The following APOB variants were observed in gnomAD, a reference collection of about 807,000 sequenced individuals.
The protein encoded by APOB is apolipoprotein B.
APOB carries 153 observed loss-of-function variants against 314.1 expected under a neutral mutation model. The observed-to-expected ratio is 0.49, with a 90% confidence interval of 0.43 to 0.56. APOB has a LOEUF of 0.56. APOB is among the 20% of genes least tolerant of loss of function. The pLI, the probability that APOB is intolerant of heterozygous loss-of-function variation, is 0.00. For missense variants in APOB, 5,430 were observed against 5,350.7 expected (o/e 1.01, Z -0.46); for synonymous variants, 2,087 against 2,036.4 (o/e 1.02, Z -0.67).
chr2:21,027,249 A>G (rs1663753000), intron 14 of APOB, among the ~76,000 whole-genome samples: 1 of 151,748 alleles, frequency 6.6e-6, no homozygotes, highest in African/African-American at 2.4e-5. Context: ...AGATCTGACT[A>G]GGCAGCACAT....
Position 21,015,564 on chromosome 2 carries a change from G to A in APOB, c.3333-19C>T. 4 of 1,609,096 alleles carry A rather than the reference G, an allele frequency of 2.5e-6. No individual in the cohort carries two copies. Among genetic ancestry groups the A allele is most frequent in the Non-Finnish European group, 3.4e-6 (4 of 1,179,554 alleles). ...GTCACAACTATGGTAAAGAAAATCA[G>A]TTGGCACCAATGATTTTGTCCTTTC... On this transcript the variant is annotated intron_variant, in intron 21 of 28. Coordinates refer to ENST00000233242, the MANE Select transcript of APOB (RefSeq NM_000384.3).
chr2:21,043,846 G>C lies in APOB; in HGVS notation c.82+18C>G. 1.3e-6 allele frequency: 2 copies of C among 1,529,066 alleles called. No homozygotes were observed. Among genetic ancestry groups the C allele is most frequent in the East Asian group, 4.9e-5 (2 of 40,554 alleles). 94.7% of individuals were successfully genotyped at this position (1,529,066 alleles called of 1,614,324 possible). A position where few individuals can be genotyped will look rare whatever the true frequency, so the allele number is the denominator to read the frequency against. On this transcript the variant is annotated intron_variant, in intron 1 of 28. Coordinates refer to ENST00000233242, the MANE Select transcript of APOB (RefSeq NM_000384.3). ...CCCTCCCGCTCCCTCTGCGCCCGCA[G>C]AGCGGCCGCGCACTCACCGGCCCTG...
chr2:21,012,328 G>T lies in APOB; in HGVS notation c.4540C>A (p.Leu1514Ile). Reference protein sequence around the residue: ...SCQRDPNTGRLNGESNLRFNS... With the variant: ...SCQRDPNTGRINGESNLRFNS... ...AACCTCAGGTTGGACTCTCCATTGA[G>T]CCGGCCAGTGTTAGGATCCCTCTGA... The change falls in exon 26 of 29, where the codon CTC becomes ATC. Residue 1514 changes from leucine to isoleucine, a missense_variant. Physicochemically the swap from Leu to Ile is conservative, Grantham distance 5. This residue lies in a region of APOB where 2,085 missense variants were observed against 2,079.7 expected (regional missense o/e 1.00). Transcript: ENST00000233242. 6.2e-7 allele frequency: 1 copy of T among 1,614,142 alleles called. No homozygotes were observed. Among genetic ancestry groups the T allele is most frequent in the Middle Eastern group, 1.7e-4 (1 of 6,060 alleles).
At position 21,029,746 on chromosome 2, in the gene APOB, G is replaced by C. The variant is rs1395348867; in HGVS notation, c.1510C>G (p.Pro504Ala). ...TTCAGGATTGAAGACTTGAGTTCTG[G>C]AGTTAACTGCTCCATGGTTTGGCCC... Reference protein sequence around the residue: ...NMGQTMEQLTPELKSSILKCV... With the variant: ...NMGQTMEQLTAELKSSILKCV... The change falls in exon 12 of 29, where the codon CCA (proline) becomes GCA (alanine). Residue 504 changes from proline (P) to alanine (A), a missense_variant. Coordinates refer to ENST00000233242, the MANE Select transcript of APOB (RefSeq NM_000384.3). The C allele has an allele frequency of 6.2e-7, 1 of 1,614,164 alleles. No homozygotes were observed. Among genetic ancestry groups the C allele is most frequent in the Admixed American group, 1.7e-5 (1 of 60,022 alleles).
At chr2:21,031,746 A>T (rs1663884834) in intron 10 of APOB, among the ~76,000 whole-genome samples, 1 of 152,164 alleles carries the variant, frequency 6.6e-6, no homozygotes, top group Admixed American at 6.5e-5. Context: ...GCTACTCAGG[A>T]GGCTGAGGTG....
intron 15 of APOB, among the ~76,000 whole-genome samples, chr2:21,025,626 GA>G (rs1663710756): frequency 6.6e-6 from 1 of 152,172 alleles, no homozygotes; most frequent in Non-Finnish European, 1.5e-5. Flanking sequence ...AAAAAAATGT[GA>G]AACTGACAGA....
chr2:21,007,365 G>T lies in APOB; in HGVS notation c.9503C>A (p.Ser3168Ter). 1 of 1,613,968 alleles carries T rather than the reference G, an allele frequency of 6.2e-7. No homozygotes were observed. The highest frequency in any genetic ancestry group is 8.5e-7 in the Non-Finnish European group (1 of 1,179,942). The part of the protein sequence containing the change: ...LKEFLKTTKQ[S>*]FDLSVKAQYK... ...CTGAGCTTTTACACTTAAATCAAAT[G>T]ATTGCTTTGTCGTTTTCAAGAATTC... Residue 3168 changes from serine to a stop codon, truncating the protein, a stop_gained, in exon 26 of 29, where the codon TCA (serine) becomes TAA (stop). Transcript: ENST00000233242. LOFTEE classifies it high-confidence loss of function.
At chr2:21,025,199 T>C in intron 15 of APOB, 75 bp from the exon 16 acceptor site, 1 of 1,466,384 alleles carries the variant, frequency 6.8e-7, no homozygotes, top group African/African-American at 1.4e-5. Context: ...ATGTGGGACC[T>C]GTCTGATGCA....
intron 3 of APOB, 52 bp from the exon 4 acceptor site, chr2:21,041,135 T>C (rs756797684): frequency 6.3e-7 from 1 of 1,587,864 alleles, no homozygotes; most frequent in East Asian, 2.2e-5. Context: ...GAATGAGAGG[T>C]GGCCCCTGAA....
intron 10 of APOB, 36 bp from the exon 11 acceptor site, chr2:21,030,051 C>T (rs550619005): frequency 7.3e-7 from 1 of 1,367,062 alleles, no homozygotes; most frequent in South Asian, 1.2e-5. Context: ...GACTTGGTAA[C>T]CCCAGTTAGG....
intron 15 of APOB, among the ~76,000 whole-genome samples, chr2:21,025,690 G>A (rs1663714367): frequency 6.6e-6 from 1 of 152,204 alleles, no homozygotes. Context: ...GAAATTAGAA[G>A]ATGGAGCTCG....
intron 17 of APOB, 49 bp downstream of exon 17, chr2:21,023,469 ATGCACCC>A: frequency 6.3e-7 from 1 of 1,588,250 alleles, no homozygotes; most frequent in Non-Finnish European, 8.6e-7. Context: ...TTAACAAGAA[ATGCACCC>A]TGGAAGAAAG....
intron 5 of APOB, 22 bp downstream of exon 5, chr2:21,037,936 T>A: frequency 6.2e-7 from 1 of 1,614,186 alleles, no homozygotes; most frequent in Non-Finnish European, 8.5e-7. Flanking sequence ...GGGCCACTGC[T>A]ATCAGCTTTC....
chr2:21,003,966 C>A (rs549461593), intron 28 of APOB, among the ~76,000 whole-genome samples: 12 of 152,188 alleles, frequency 7.9e-5, no homozygotes, highest in Admixed American at 5.2e-4. Flanking sequence ...GAAAAATATA[C>A]CCTGCCTATG....
rs746697471 is a variant in APOB at position 21,003,108 on chromosome 2, C to T, written c.12314G>A (p.Arg4105Lys). ...LTLREVSSKL[R>K]RNLQNNAEWV... Reference sequence around the variant, plus strand: ...CTCAGCATTGTTCTGCAGATTTCTTCTCAGCTTTGAAGACACTTCTCTCAG... The same window carrying T: ...CTCAGCATTGTTCTGCAGATTTCTTTTCAGCTTTGAAGACACTTCTCTCAG... Residue 4105 changes from arginine to lysine, a missense_variant, in exon 29 of 29, where the codon AGA becomes AAA. By Grantham distance (26) the Arg-to-Lys change is conservative. Transcript: ENST00000233242. The T allele has an allele frequency of 6.3e-7, 1 of 1,598,908 alleles. No individual in the cohort carries two copies. Among genetic ancestry groups the T allele is most frequent in the Non-Finnish European group, 8.5e-7 (1 of 1,171,316 alleles).
In APOB at chr2:21,008,113, T is replaced by G; in HGVS notation, c.8755A>C (p.Ile2919Leu). 6.2e-7 allele frequency: 1 copy of G among 1,614,084 alleles called. No homozygotes were observed. The highest frequency in any genetic ancestry group is 1.7e-5 in the Admixed American group (1 of 60,018). ...CCTTTTCCAGAAGAAGTCCATGCTA[T>G]GTGGCCAGCTTTCAACAGTGTCTTG... is the stretch of plus-strand genomic sequence containing the variant. ...EIKTLLKAGHIAWTSSGKGSW... is the reference protein window; with the variant it reads ...EIKTLLKAGHLAWTSSGKGSW... Residue 2919 changes from isoleucine to leucine, a missense_variant, in exon 26 of 29, where the codon ATA becomes CTA. Transcript: ENST00000233242.
chr2:21,005,417 T>C lies in APOB; in HGVS notation c.11451A>G (p.Glu3817=), dbSNP rs1558560595. 1.2e-6 allele frequency: 2 copies of C among 1,614,068 alleles called. No homozygotes were observed. The change falls in exon 26 of 29, where the codon GAA becomes GAG. Residue 3817 remains glutamate, a synonymous_variant. Transcript: ENST00000233242. ...TGAACTGGGACACAGTTAACTGAGA[T>C]TCAGGCACGGTTATCTCAAAAAAGG... ...LIPFFEITVP[E]SQLTVSQFTL... is the part of the protein sequence containing the mutation.
rs552692138 is a variant in APOB at position 21,007,029 on chromosome 2, A to T, written c.9839T>A (p.Met3280Lys). The T allele has an allele frequency of 6.2e-7, 1 of 1,614,088 alleles. No individual in the cohort carries two copies. The highest frequency in any genetic ancestry group is 1.3e-5 in the African/African-American group (1 of 75,046). The change falls in exon 26 of 29, where the codon ATG becomes AAG. Residue 3280 changes from methionine (M) to lysine (K), a missense_variant. Physicochemically the swap from Met to Lys is moderately conservative, Grantham distance 95. Around this residue, in one of 3 missense-constraint regions of APOB, gnomAD observed 3,281 missense variants for 3,171.0 expected, o/e 1.03. Transcript: ENST00000233242. ...AGAACCTAGGATGGAGAAACTAGGC[A>T]TGCTGACTGCTTTTGGGAACACATA... ...FGYVFPKAVS[M>K]PSFSILGSDV...
In APOB at chr2:21,023,658, T is replaced by C. The variant is rs1400657598; in HGVS notation, c.2471A>G (p.Asp824Gly). ...CATGAAGATGTAGTGAAGAAAAAAGTCATTCTTTGAGCCCTTCCTGATGAC... is the reference window on the plus strand; with the variant it reads ...CATGAAGATGTAGTGAAGAAAAAAGCCATTCTTTGAGCCCTTCCTGATGAC... ...GEVIRKGSKNDFFLHYIFMEN... is the reference protein window; with the variant it reads ...GEVIRKGSKNGFFLHYIFMEN... The change falls in exon 17 of 29, where the codon GAC (aspartate) becomes GGC (glycine). Residue 824 changes from aspartate (D) to glycine (G), a missense_variant. By Grantham distance (94) the Asp-to-Gly change is moderately conservative (BLOSUM62 -1). Coordinates refer to ENST00000233242, the MANE Select transcript of APOB (RefSeq NM_000384.3). 3.7e-6 allele frequency: 6 copies of C among 1,612,788 alleles called. No homozygotes were observed. The highest frequency in any genetic ancestry group is 3.4e-6 in the Non-Finnish European group (4 of 1,178,916).
Sources: gnomAD v4.1 joint callset for allele counts (sites outside exome capture counted in the v4.1 genomes callset) on GRCh38, gnomAD v4.1.1 for gene constraint, gnomAD v4.1.1 regional missense constraint, MANE v1.5 for transcripts, NCBI Gene and HGNC (gene_info 2026-07-23, HGNC 2026-07-21) for gene names.